Variants in IGSF11 observed in about 807,000 individuals in gnomAD.
IGSF11 encodes CXADR like 1.
In IGSF11, 22 loss-of-function variants were observed where a neutral mutation model predicts 41.0. The ratio of observed to expected loss-of-function variants is 0.54; its 90% CI spans 0.38 to 0.77. The LOEUF (loss-of-function observed/expected upper bound fraction) is 0.77, where lower values mean the gene tolerates loss of function less well. Ranked by LOEUF, IGSF11 falls within the 30% of genes least tolerant of loss-of-function variation. The pLI, the probability that IGSF11 is intolerant of heterozygous loss-of-function variation, is 0.00. For missense variants in IGSF11, 444 were observed against 530.8 expected, an observed-to-expected ratio of 0.84 and a Z score of 1.61; for synonymous variants, 219 against 201.3, an observed-to-expected ratio of 1.09 and a Z score of -0.74.
chr3:119,055,636 A>G (rs1434760804), intron 1 of IGSF11, among the ~76,000 whole-genome samples: 3 of 152,262 alleles, frequency 2.0e-5, no homozygotes, highest in Non-Finnish European at 4.4e-5. Context: ...AGACATCTAC[A>G]GAACTCTCCA....
chr3:118,948,592 C>A (rs1280276068), intron 1 of IGSF11, among the ~76,000 whole-genome samples: 1 of 152,072 alleles, frequency 6.6e-6, no homozygotes, highest in Non-Finnish European at 1.5e-5. Flanking sequence ...GTAAATACAG[C>A]CATTTGTTGT....
rs567942642 is a variant in IGSF11 at position 118,920,962 on chromosome 3, C to T, written c.580+5139G>A. Reference sequence around the variant, plus strand: ...GATATTCATCAAGTACATGGGCACACGCCTGCCTCAAAGCCTTCATATGTC... The same window carrying T: ...GATATTCATCAAGTACATGGGCACATGCCTGCCTCAAAGCCTTCATATGTC... On this transcript the variant is annotated intron_variant, in intron 4 of 6. Coordinates refer to ENST00000393775, the MANE Select transcript of IGSF11 (RefSeq NM_001015887.3). Among the ~76,000 whole-genome samples the T allele has an allele frequency of 2.0e-4, 31 of 152,250 alleles. No homozygotes were observed. The South Asian group carries it at 4.1e-3, about 20-fold the overall frequency.
At chr3:119,029,478 T>C (rs564197318) in intron 1 of IGSF11, among the ~76,000 whole-genome samples, 2 of 152,288 alleles carry the variant, frequency 1.3e-5, no homozygotes, top group African/African-American at 4.8e-5. Context: ...TTTTTGTAAA[T>C]ATCAATCCTT....
chr3:119,029,749 T>C (rs1430979466), intron 1 of IGSF11, among the ~76,000 whole-genome samples: 1 of 152,250 alleles, frequency 6.6e-6, no homozygotes, highest in African/African-American at 2.4e-5. Flanking sequence ...ATTGTTGGGA[T>C]CTTCAATAGA....
At chr3:118,909,943 A>G (rs1490148869) in intron 4 of IGSF11, among the ~76,000 whole-genome samples, 1 of 152,240 alleles carries the variant, frequency 6.6e-6, no homozygotes, top group Non-Finnish European at 1.5e-5. Context: ...TTATTTGAAT[A>G]ATGTAGTGTG....
At chr3:118,957,349 G>A (rs1280452466) in intron 1 of IGSF11, among the ~76,000 whole-genome samples, 3 of 152,008 alleles carry the variant, frequency 2.0e-5, no homozygotes, top group Non-Finnish European at 2.9e-5. Flanking sequence ...TTTAATCTAG[G>A]TACCCACAGC....
intron 1 of IGSF11, among the ~76,000 whole-genome samples, chr3:119,142,990 T>C (rs1280073618): frequency 6.6e-6 from 1 of 152,122 alleles, no homozygotes; most frequent in African/African-American, 2.4e-5. Flanking sequence ...AATTCTACAT[T>C]CAGCAAAACT....
chr3:119,106,553 T>C (rs1254835636), upstream of IGSF11, among the ~76,000 whole-genome samples: 25 of 152,184 alleles, frequency 1.6e-4, no homozygotes, highest in Admixed American at 1.6e-3. Context: ...TTTTTATGGC[T>C]GAATAGTACT....
At position 118,902,535 on chromosome 3, in the gene IGSF11, G is replaced by T. The variant is rs149664527; in HGVS notation, c.1281C>A (p.Ala427=). ...VPVMVPAQSR[A]GSLV ...TCCTCATGTCCTATACCAAGGACCCGGCCCGACTCTGGGCTGGTACCATGA... is the reference window on the plus strand; with the variant it reads ...TCCTCATGTCCTATACCAAGGACCCTGCCCGACTCTGGGCTGGTACCATGA... The change falls in exon 7 of 7, where the codon GCC becomes GCA. Residue 427 remains alanine (A), a synonymous_variant. Coordinates refer to ENST00000393775, the MANE Select transcript of IGSF11 (RefSeq NM_001015887.3). The T allele has an allele frequency of 4.3e-5, 58 of 1,361,032 alleles. No homozygotes were observed. Among genetic ancestry groups the T allele is most frequent in the Non-Finnish European group, 5.7e-5 (58 of 1,023,780 alleles). 84.3% of individuals were successfully genotyped at this position (1,361,032 alleles called of 1,614,324 possible).
chr3:119,132,771 T>A (rs1213127492), intron 1 of IGSF11, among the ~76,000 whole-genome samples: 1 of 152,098 alleles, frequency 6.6e-6, no homozygotes, highest in Non-Finnish European at 1.5e-5. Flanking sequence ...TATACATTCT[T>A]CTCAGCACAT....
intron 1 of IGSF11, among the ~76,000 whole-genome samples, chr3:119,123,323 C>T (rs767137158): frequency 6.6e-6 from 1 of 152,214 alleles, no homozygotes; most frequent in Non-Finnish European, 1.5e-5. Context: ...GCCAGCTCAA[C>T]AGCAGTACAA....
chr3:118,940,300 A>C (rs905272200), intron 1 of IGSF11, among the ~76,000 whole-genome samples: 2 of 152,172 alleles, frequency 1.3e-5, no homozygotes, highest in African/African-American at 4.8e-5. Flanking sequence ...TCTACAAAAA[A>C]CCAACTAATT....
At position 119,017,651 on chromosome 3, in the gene IGSF11, T is replaced by C. The variant is rs367912405; in HGVS notation, c.52+16880A>G. On this transcript the variant is annotated intron_variant, in intron 1 of 6. Transcript: ENST00000393775. ...ATAAAATGAAAACAATGCCAGGTTGTGGTAAAAATTAATTATATGATGCAC... is the reference window on the plus strand; with the variant it reads ...ATAAAATGAAAACAATGCCAGGTTGCGGTAAAAATTAATTATATGATGCAC... 3.9e-5 allele frequency among the ~76,000 whole-genome samples: 6 copies of C among 152,150 alleles called. No homozygotes were observed. In the East Asian group the frequency reaches 5.8e-4, roughly 15 times the overall value.
intron 1 of IGSF11, among the ~76,000 whole-genome samples, chr3:118,957,441 T>C (rs1023044351): frequency 6.6e-6 from 1 of 152,244 alleles, no homozygotes; most frequent in African/African-American, 2.4e-5. Context: ...TTTAAATTAT[T>C]TCCTCTCATG....
rs185225252 is a variant in IGSF11 at position 118,939,598 on chromosome 3, A to T, written c.53-9323T>A. ...CTCAAAAAAAAAAAAATCACTTCTA[A>T]ATAATTCACAGGTCAAAGAAGAAAT... On this transcript the variant is annotated intron_variant, in intron 1 of 6. Transcript: ENST00000393775. Among the ~76,000 whole-genome samples the T allele has an allele frequency of 1.8e-4, 28 of 152,166 alleles. No individual in the cohort carries two copies. The East Asian group carries it at 5.0e-3, about 27-fold the overall frequency.
At chr3:119,126,796 AAAG>A (rs2077410319) in intron 1 of IGSF11, among the ~76,000 whole-genome samples, 1 of 151,536 alleles carries the variant, frequency 6.6e-6, no homozygotes, top group Non-Finnish European at 1.5e-5. Context: ...CTGACTATTG[AAAG>A]AAAAACAAGC....
chr3:119,107,734 G>A (rs1405715933), upstream of IGSF11, among the ~76,000 whole-genome samples: 7 of 152,184 alleles, frequency 4.6e-5, no homozygotes, highest in Non-Finnish European at 7.3e-5. Flanking sequence ...TAACATTTAA[G>A]TCTTTAATCC....
intron 1 of IGSF11, among the ~76,000 whole-genome samples, chr3:119,141,421 G>A (rs945598169): frequency 4.2e-4 from 63 of 151,092 alleles, no homozygotes; most frequent in African/African-American, 1.5e-3. Context: ...AAAGATTAGA[G>A]AGATGTTAAT....
intron 4 of IGSF11, among the ~76,000 whole-genome samples, chr3:118,917,786 C>T (rs1270719332): frequency 2.1e-4 from 32 of 150,620 alleles, no homozygotes; most frequent in African/African-American, 7.6e-4. Flanking sequence ...ATACCAAAGC[C>T]GGGCAGAGAC....
Sources: allele counts gnomAD v4.1 joint callset (sites outside exome capture counted in the v4.1 genomes callset), GRCh38; gene constraint gnomAD v4.1.1; transcripts MANE v1.5; gene names NCBI Gene and HGNC (gene_info 2026-07-23, HGNC 2026-07-21).